The following CYTH1 variants were observed in gnomAD, a reference collection of about 807,000 sequenced individuals.
The protein encoded by CYTH1 is cytohesin-1.
Under a neutral mutation model 61.8 loss-of-function variants are expected in CYTH1, and 18 were observed. The observed-to-expected ratio is 0.29, with a 90% confidence interval of 0.20 to 0.43. The LOEUF is 0.43. Among genes scored for constraint, CYTH1 ranks in the 20% least tolerant of loss-of-function variants. The probability of loss-of-function intolerance (pLI) is 1.00; values close to 1 mark genes in which losing one functional copy is unlikely to be tolerated. For synonymous variants in CYTH1, 174 were observed against 184.3 expected (o/e 0.94, Z 0.45); for missense variants, 336 against 510.5 (o/e 0.66, Z 3.29).
At chr17:78,708,085 G>C in intron 3 of CYTH1, 112 bp downstream of exon 3, 1 of 1,075,810 alleles carries the variant, frequency 9.3e-7, no homozygotes, top group Non-Finnish European at 1.4e-6. Flanking sequence ...GCTAGAATTA[G>C]AAAGACACAA....
chr17:78,726,477 T>C (rs543870238), intron 1 of CYTH1, among the ~76,000 whole-genome samples: 16 of 152,284 alleles, frequency 1.1e-4, no homozygotes, highest in African/African-American at 3.8e-4. Flanking sequence ...AGCTCATGTG[T>C]TACTATTCCT....
chr17:78,702,834 T>C (rs903300473), intron 3 of CYTH1, among the ~76,000 whole-genome samples: 7 of 152,124 alleles, frequency 4.6e-5, no homozygotes, highest in Non-Finnish European at 7.4e-5. Context: ...TTTCTTTATT[T>C]TTTTTTGAGA....
At position 78,710,000 on chromosome 17, in the gene CYTH1, T is replaced by C. The variant is rs111541107; in HGVS notation, c.23-268A>G. ...ACTGAAGGTTAAATTAGGTTGGCTA[T>C]GAATGAAAAAGGATGAATATTAGCT... On this transcript the variant is annotated intron_variant, in intron 1 of 13. Transcript: ENST00000446868. Among the ~76,000 whole-genome samples, 157 of 152,340 alleles carry C rather than the reference T, an allele frequency of 1.0e-3. 1 individual carries two copies. Among genetic ancestry groups the C allele is most frequent in the African/African-American group, 3.6e-3 (148 of 41,580 alleles).
intron 1 of CYTH1, among the ~76,000 whole-genome samples, chr17:78,711,566 G>A (rs1292213304): frequency 6.6e-6 from 1 of 151,978 alleles, no homozygotes; most frequent in Non-Finnish European, 1.5e-5. Context: ...TCTGCCCATG[G>A]CATTAAAACT....
At chr17:78,761,449 G>A (rs1283253499) in intron 1 of CYTH1, among the ~76,000 whole-genome samples, 1 of 152,138 alleles carries the variant, frequency 6.6e-6, no homozygotes, top group African/African-American at 2.4e-5. Context: ...TAAAAATCAA[G>A]AGGCAGGGGC....
intron 1 of CYTH1, among the ~76,000 whole-genome samples, chr17:78,760,440 TATGTATATATATATA>T: frequency 1.8e-5 from 1 of 57,078 alleles, no homozygotes; most frequent in African/African-American, 7.8e-5. Flanking sequence ...TACATATATA[TATGTATATATATATA>T]CATACATATA....
In CYTH1 at chr17:78,756,996, T is replaced by C. The variant is rs537985994; in HGVS notation, c.22+25206A>G. Among the ~76,000 whole-genome samples, 16 of 148,180 alleles carry C rather than the reference T, an allele frequency of 1.1e-4. No homozygotes were observed. In the East Asian group the frequency reaches 2.1e-3, roughly 20 times the overall value. On this transcript the variant is annotated intron_variant, in intron 1 of 13. Transcript: ENST00000446868. ...ATTTTTTTCTTTTTTTTCTTTTTTT[T>C]TTTTTTTTTTGAGATGGAGTCTCGC...
intron 1 of CYTH1, among the ~76,000 whole-genome samples, chr17:78,761,607 G>A (rs370650670): frequency 2.6e-3 from 399 of 152,208 alleles, no homozygotes; most frequent in Middle Eastern, 0.017. Flanking sequence ...GCGTGGTGGC[G>A]GGCACCTGTA....
intron 10 of CYTH1, among the ~76,000 whole-genome samples, chr17:78,693,651 A>C (rs1159995544): frequency 6.6e-6 from 1 of 151,912 alleles, no homozygotes; most frequent in Non-Finnish European, 1.5e-5. Context: ...GAAAAAAAAA[A>C]AAGTTGGGGT....
intron 13 of CYTH1, among the ~76,000 whole-genome samples, chr17:78,679,938 G>A (rs1181457130): frequency 2.0e-5 from 3 of 152,266 alleles, no homozygotes; most frequent in East Asian, 1.9e-4. Context: ...TAGCTCACTC[G>A]CCTCTTCCTA....
intron 1 of CYTH1, among the ~76,000 whole-genome samples, chr17:78,728,451 T>G (rs1014029313): frequency 2.6e-5 from 4 of 151,596 alleles, no homozygotes; most frequent in African/African-American, 9.7e-5. Flanking sequence ...AGGCTGGTAT[T>G]ACAAGAGAAT....
At position 78,760,577 on chromosome 17, in the gene CYTH1, A is replaced by T. The variant is rs1598917412; in HGVS notation, c.22+21625T>A. Among the ~76,000 whole-genome samples, 2 of 25,004 alleles carry T rather than the reference A, an allele frequency of 8.0e-5. 1 individual carries two copies. Among genetic ancestry groups the T allele is most frequent in the South Asian group, 1.6e-3 (2 of 1,220 alleles). The allele number at this position is 25,004 out of a possible 152,430, so 16.4% of individuals were successfully genotyped here. On this transcript the variant is annotated intron_variant, in intron 1 of 13. Coordinates refer to ENST00000446868, the MANE Select transcript of CYTH1 (RefSeq NM_004762.6). Reference sequence around the variant, plus strand: ...TATATGTATATATATATACACATACATATATATGTATATATATGTATATAT... The same window carrying T: ...TATATGTATATATATATACACATACTTATATATGTATATATATGTATATAT...
intron 2 of CYTH1, chr17:78,709,351 G>A (rs147553700): frequency 1.7e-4 from 52 of 310,376 alleles, no homozygotes; most frequent in African/African-American, 9.9e-4. Context: ...ACTCTGCTCC[G>A]CAAGGGCAAA....
chr17:78,777,611 T>C (rs981122335), intron 1 of CYTH1, among the ~76,000 whole-genome samples: 3 of 152,108 alleles, frequency 2.0e-5, no homozygotes, highest in African/African-American at 7.2e-5. Flanking sequence ...TCTCTTTCTA[T>C]AGCATATTAT....
Position 78,680,183 on chromosome 17 carries a change from C to G in CYTH1, c.1118+7G>C. 2 of 1,614,058 alleles carry G rather than the reference C, an allele frequency of 1.2e-6. No homozygotes were observed. Among genetic ancestry groups the G allele is most frequent in the Non-Finnish European group, 1.7e-6 (2 of 1,179,962 alleles). ...GCGCGCACTGCCCTTTCTCAGCAGT[C>G]ACTTACTTAATGCACTTAATCCACT... On this transcript the variant is annotated splice_region_variant and intron_variant, in intron 13 of 13. Coordinates refer to ENST00000446868, the MANE Select transcript of CYTH1 (RefSeq NM_004762.6).
chr17:78,724,462 G>T (rs1195326597), intron 1 of CYTH1, among the ~76,000 whole-genome samples: 1 of 152,198 alleles, frequency 6.6e-6, no homozygotes, highest in African/African-American at 2.4e-5. Flanking sequence ...CAGGGAGCAG[G>T]TCACTCTTTG....
At chr17:78,696,567 G>C (rs1175521774) in intron 9 of CYTH1, 2 of 153,142 alleles carry the variant, frequency 1.3e-5, no homozygotes, top group African/African-American at 4.8e-5. Flanking sequence ...TAAACACAAA[G>C]AGTGATACTA....
rs148150376 is a variant in CYTH1, at chr17:78,718,831, T to A, written c.23-9099A>T. Among the ~76,000 whole-genome samples, 306 of 152,340 alleles carry A rather than the reference T, an allele frequency of 2.0e-3. 2 individuals are homozygous for A. Among genetic ancestry groups the A allele is most frequent in the African/African-American group, 7.0e-3 (293 of 41,576 alleles). On this transcript the variant is annotated intron_variant, in intron 1 of 13. Transcript: ENST00000446868. The stretch of plus-strand genomic sequence containing the variant: ...AGATAAAGCTGTGAGCACAAATAGG[T>A]GCCCAACAAATGCCAAATGTCTTTC...
chr17:78,680,994 C>G lies in CYTH1; in HGVS notation c.940G>C (p.Glu314Gln), dbSNP rs1473708784. ...IIPLENLSIREVEDSKKPNCF... is the reference protein window; with the variant it reads ...IIPLENLSIRQVEDSKKPNCF... Reference sequence around the variant, plus strand: ...ACTGGTTTTTTGGAGTCCTCCACTTCCCGGATACTCAGATTCTCTAAAGGG... The same window carrying G: ...ACTGGTTTTTTGGAGTCCTCCACTTGCCGGATACTCAGATTCTCTAAAGGG... The change falls in exon 12 of 14, where the codon GAA (glutamate) becomes CAA (glutamine). Residue 314 changes from glutamate (E) to glutamine (Q), a missense_variant. Physicochemically the swap from Glu to Gln is conservative, Grantham distance 29. Around this residue, in one of 4 missense-constraint regions of CYTH1, gnomAD observed 83 missense variants for 115.6 expected, o/e 0.72. Coordinates refer to ENST00000446868, the MANE Select transcript of CYTH1 (RefSeq NM_004762.6). The G allele has an allele frequency of 6.2e-7, 1 of 1,614,138 alleles. No homozygotes were observed. Among genetic ancestry groups the G allele is most frequent in the Admixed American group, 1.7e-5 (1 of 60,022 alleles).
Sources: allele counts gnomAD v4.1 joint callset (sites outside exome capture counted in the v4.1 genomes callset), GRCh38; gene constraint gnomAD v4.1.1; regional missense constraint gnomAD v4.1.1; transcripts MANE v1.5; gene names NCBI Gene and HGNC (gene_info 2026-07-23, HGNC 2026-07-21).